Variants in AFDN observed in about 807,000 individuals in gnomAD.
The protein encoded by AFDN is afadin, adherens junction formation factor.
AFDN carries 68 observed loss-of-function variants against 216.6 expected under a neutral mutation model. That is an observed-to-expected ratio of 0.31 (90% CI 0.26 to 0.38). The LOEUF is 0.38. AFDN is among the 10% of genes least tolerant of loss of function. The probability of loss-of-function intolerance (pLI) is 1.00; values close to 1 mark genes in which losing one functional copy is unlikely to be tolerated. For synonymous variants in AFDN, 868 were observed against 853.7 expected (o/e 1.02, Z -0.29); for missense variants, 2,136 against 2,342.0 (o/e 0.91, Z 1.82).
At position 167,969,787 on chromosome 6, in the gene AFDN, A is replaced by T. The variant is rs773586167; in HGVS notation, c.5348A>T (p.Asp1783Val). 2 of 1,607,330 alleles carry T rather than the reference A, an allele frequency of 1.2e-6. No individual in the cohort carries two copies. Among genetic ancestry groups the T allele is most frequent in the Admixed American group, 3.4e-5 (2 of 58,074 alleles). ...GATATTGCCCTCTTCTGCAGCCAAG[A>T]TGCAGATTCACCTGGAAGTTCTGGG... ...DAKEKRSKSQDADSPGSSGAP... is the reference protein window; with the variant it reads ...DAKEKRSKSQVADSPGSSGAP... Residue 1783 changes from aspartate (D) to valine (V), a missense_variant, in exon 34 of 34, where the codon GAT (aspartate) becomes GTT (valine). By Grantham distance (152) the Asp-to-Val change is radical. Coordinates refer to ENST00000683244, the MANE Select transcript of AFDN (RefSeq NM_001386888.1).
At position 167,948,067 on chromosome 6, in the gene AFDN, T is replaced by G. The variant is rs533845260; in HGVS notation, c.3645+123T>G. 1,242 of 832,274 alleles carry G rather than the reference T, an allele frequency of 1.5e-3. 7 individuals are homozygous for G. The highest frequency in any genetic ancestry group is 2.1e-3 in the Non-Finnish European group (1,123 of 537,010). The allele number at this position is 832,274 out of a possible 1,614,324, so 51.6% of individuals were successfully genotyped here. A position where few individuals can be genotyped will look rare whatever the true frequency, so the allele number is the denominator to read the frequency against. ...TAGCATTGATTATAATTTCTAAATT[T>G]GCAGTGTTTTATCTTTTGATTTTTA... On this transcript the variant is annotated intron_variant, in intron 28 of 33. Coordinates refer to ENST00000683244, the MANE Select transcript of AFDN (RefSeq NM_001386888.1).
upstream of AFDN, chr6:167,826,821 G>GCA (rs1779101164): frequency 6.9e-6 from 1 of 145,552 alleles, no homozygotes; most frequent in Admixed American, 6.8e-5. Context: ...GCGGCGCCGC[G>GCA]CGGGGCGGCG....
At chr6:167,894,549 G>T (rs1344524382) in intron 9 of AFDN, among the ~76,000 whole-genome samples, 1 of 152,138 alleles carries the variant, frequency 6.6e-6, no homozygotes, top group Non-Finnish European at 1.5e-5. Flanking sequence ...TTCCTCCCCA[G>T]CTCAAACCAA....
At chr6:167,874,752 A>G (rs534176329) in intron 4 of AFDN, among the ~76,000 whole-genome samples, 1 of 151,558 alleles carries the variant, frequency 6.6e-6, no homozygotes, top group Non-Finnish European at 1.5e-5. Flanking sequence ...AGTAACTGGG[A>G]TTACAGGCAT....
chr6:167,915,024 T>C, intron 18 of AFDN, 144 bp from the exon 19 acceptor site: 2 of 833,878 alleles, frequency 2.4e-6, no homozygotes, highest in Non-Finnish European at 3.7e-6. Context: ...TGTCACTGTT[T>C]CCTCTTGGAA....
At chr6:167,898,790 G>A (rs536653501) in intron 11 of AFDN, among the ~76,000 whole-genome samples, 1 of 152,294 alleles carries the variant, frequency 6.6e-6, no homozygotes, top group Non-Finnish European at 1.5e-5. Flanking sequence ...GTGTAACTAA[G>A]ATTATAAAAT....
intron 1 of AFDN, among the ~76,000 whole-genome samples, chr6:167,832,614 A>C (rs1403990179): frequency 5.9e-5 from 9 of 152,258 alleles, no homozygotes; most frequent in Non-Finnish European, 1.3e-4. Context: ...TTCAAATACA[A>C]GCAGGAAGGT....
At chr6:167,922,593 T>C (rs1044037709) in intron 21 of AFDN, among the ~76,000 whole-genome samples, 7 of 152,202 alleles carry the variant, frequency 4.6e-5, no homozygotes, top group African/African-American at 1.7e-4. Flanking sequence ...TAATTTCTTA[T>C]AGGAGTAAGA....
chr6:167,953,264 C>T (rs1437399887), intron 30 of AFDN, among the ~76,000 whole-genome samples: 1 of 152,102 alleles, frequency 6.6e-6, no homozygotes, highest in Admixed American at 6.5e-5. Context: ...GCTATTAGGT[C>T]AGACATTTTA....
chr6:167,952,604 C>T, intron 30 of AFDN: 1 of 618,290 alleles, frequency 1.6e-6, no homozygotes. Context: ...ACCCCCAGCT[C>T]TGCTGTTGTA....
chr6:167,874,723 C>G (rs948533409), intron 4 of AFDN, among the ~76,000 whole-genome samples: 1 of 147,528 alleles, frequency 6.8e-6, no homozygotes, highest in Non-Finnish European at 1.5e-5. Context: ...TCAAGTGATT[C>G]TCCTGCCTCA....
intron 13 of AFDN, 114 bp downstream of exon 13, chr6:167,907,403 CAAT>C (rs1789844326): frequency 2.6e-6 from 2 of 783,482 alleles, no homozygotes; most frequent in African/African-American, 1.8e-5. Context: ...ACAATGTTAG[CAAT>C]AATATTTTAA....
chr6:167,826,880 GGGT>G (rs1779120217), upstream of AFDN: 1 of 138,746 alleles, frequency 7.2e-6, no homozygotes, highest in Non-Finnish European at 1.6e-5. Context: ...GGGCGCGGGC[GGGT>G]GCGGGCGGCG....
At chr6:167,931,773 G>A (rs4708415) in intron 23 of AFDN, among the ~76,000 whole-genome samples, 2 of 152,026 alleles carry the variant, frequency 1.3e-5, no homozygotes, top group Non-Finnish European at 2.9e-5. Context: ...GGGTAGGGCA[G>A]TATACAGGGG....
chr6:167,965,748 C>G lies in AFDN; in HGVS notation c.4969-9C>G, dbSNP rs552396305. 3 of 1,523,962 alleles carry G rather than the reference C, an allele frequency of 2.0e-6. No homozygotes were observed. In the African/African-American group the frequency reaches 4.1e-5, roughly 21 times the overall value. The allele number at this position is 1,523,962 out of a possible 1,614,324, so 94.4% of individuals were successfully genotyped here. ...TGACCTTTGCACTCTTGTCTATTCCCGCCCGCAGAGGCGACAGGAAGAAGG... is the reference window on the plus strand; with the variant it reads ...TGACCTTTGCACTCTTGTCTATTCCGGCCCGCAGAGGCGACAGGAAGAAGG... On this transcript the variant is annotated splice_polypyrimidine_tract_variant and intron_variant, in intron 31 of 33. Transcript: ENST00000683244.
intron 1 of AFDN, among the ~76,000 whole-genome samples, chr6:167,845,229 C>A (rs1781528874): frequency 6.6e-6 from 1 of 152,086 alleles, no homozygotes; most frequent in Non-Finnish European, 1.5e-5. Flanking sequence ...GTTTTTCTGT[C>A]AAGAAATTTG....
chr6:167,857,275 T>G (rs1381530890), intron 1 of AFDN, among the ~76,000 whole-genome samples: 1 of 151,992 alleles, frequency 6.6e-6, no homozygotes, highest in Non-Finnish European at 1.5e-5. Flanking sequence ...GTTACCAGGT[T>G]TGTAGTTCAG....
intron 1 of AFDN, among the ~76,000 whole-genome samples, chr6:167,840,050 CAG>C (rs1780892342): frequency 6.6e-6 from 1 of 152,136 alleles, no homozygotes; most frequent in Non-Finnish European, 1.5e-5. Flanking sequence ...AGCAAGCAAG[CAG>C]AGTGTGTTCA....
chr6:167,893,931 T>A, intron 9 of AFDN, 25 bp downstream of exon 9: 1 of 1,530,234 alleles, frequency 6.5e-7, no homozygotes, highest in South Asian at 1.2e-5. Flanking sequence ...ACTACTACTT[T>A]TATAACTAAA....
Sources: allele counts gnomAD v4.1 joint callset (sites outside exome capture counted in the v4.1 genomes callset), GRCh38; gene constraint gnomAD v4.1.1; transcripts MANE v1.5; gene names NCBI Gene and HGNC (gene_info 2026-07-23, HGNC 2026-07-21).